The following IKBKB variants were observed in gnomAD, a reference collection of about 807,000 sequenced individuals.
IKBKB encodes inhibitor of nuclear factor kappa B kinase subunit beta, also known as inhibitor of nuclear factor kappa-B kinase subunit beta.
Under a neutral mutation model 113.6 loss-of-function variants are expected in IKBKB, and 42 were observed. The observed-to-expected ratio is 0.37, with a 90% CI of 0.29 to 0.48. IKBKB has a LOEUF of 0.48. IKBKB is among the 20% of genes least tolerant of loss of function. The pLI, the probability that IKBKB is intolerant of heterozygous loss-of-function variation, is 0.99. For missense variants in IKBKB, 673 were observed against 939.7 expected (o/e 0.72, Z 3.71); for synonymous variants, 296 against 361.3 (o/e 0.82, Z 2.05).
chr8:42,316,885 A>C lies in IKBKB; in HGVS notation c.1106A>C (p.Gln369Pro), dbSNP rs56411242. The C allele has an allele frequency of 6.2e-7, 1 of 1,614,140 alleles. No individual in the cohort carries two copies. The highest frequency in any genetic ancestry group is 8.5e-7 in the Non-Finnish European group (1 of 1,180,024). ...LALIPDKPAT[Q>P]CISDGKLNEG... ...TTGATCCCCGATAAGCCTGCCACTC[A>C]GTGTATTTCAGACGGCAAGGTGAGC... Residue 369 changes from glutamine to proline, a missense_variant, in exon 11 of 22, where the codon CAG becomes CCG. Transcript: ENST00000520810. The surrounding 1 kb of genome is among the most constrained non-coding windows in gnomAD (Gnocchi z 4.5).
At chr8:42,293,373 A>T in intron 4 of IKBKB, 70 bp from the exon 5 acceptor site, 1 of 1,596,634 alleles carries the variant, frequency 6.3e-7, no homozygotes, top group East Asian at 2.2e-5. Context: ...ATGGGCTGGT[A>T]AGAGACATGT....
chr8:42,289,800 C>T (rs146519592), intron 3 of IKBKB, among the ~76,000 whole-genome samples: 52 of 152,282 alleles, frequency 3.4e-4, no homozygotes, highest in Admixed American at 1.6e-3. Context: ...GAGCAGGCAC[C>T]ACCTTGTTTG....
At chr8:42,276,432 A>C (rs966134601) in intron 2 of IKBKB, among the ~76,000 whole-genome samples, 21 of 152,030 alleles carry the variant, frequency 1.4e-4, no homozygotes, top group African/African-American at 4.8e-4. Flanking sequence ...GAAAAATTGG[A>C]TTATTTATTT....
chr8:42,329,402 A>T (rs1821387189), intron 21 of IKBKB, 188 bp downstream of exon 21: 7 of 1,026,212 alleles, frequency 6.8e-6, no homozygotes, highest in Non-Finnish European at 8.6e-6. Flanking sequence ...GGCTCACTGC[A>T]ACCTCCGCTT....
chr8:42,319,719 A>C, intron 15 of IKBKB, 73 bp downstream of exon 15: 102 of 1,215,578 alleles, frequency 8.4e-5, no homozygotes, highest in Non-Finnish European at 1.0e-4. Flanking sequence ...TCACTTTCTC[A>C]TCAAACACTG....
At chr8:42,308,175 A>C (rs1816912281) in intron 7 of IKBKB, among the ~76,000 whole-genome samples, 1 of 150,790 alleles carries the variant, frequency 6.6e-6, no homozygotes, top group African/African-American at 2.4e-5. Flanking sequence ...TTTTCCTTTA[A>C]CATTTGTAGC....
intron 20 of IKBKB, among the ~76,000 whole-genome samples, chr8:42,327,632 C>CCTTTTTT: frequency 8.1e-6 from 1 of 122,854 alleles, no homozygotes; most frequent in South Asian, 2.6e-4. Context: ...TGCACCCAGC[C>CCTTTTTT]TTTTTTTTTT....
chr8:42,307,695 A>C (rs550443763), intron 7 of IKBKB, among the ~76,000 whole-genome samples: 44 of 152,176 alleles, frequency 2.9e-4, no homozygotes, highest in African/African-American at 1.0e-3. Context: ...GATTTGGTAG[A>C]TCCTTCTGGA....
At chr8:42,295,526 A>G (rs540282009) in intron 5 of IKBKB, among the ~76,000 whole-genome samples, 10 of 152,192 alleles carry the variant, frequency 6.6e-5, no homozygotes, top group Non-Finnish European at 1.5e-4. Context: ...GGAGTTCAAG[A>G]CCAGCCTGAC....
At chr8:42,272,291 G>A (rs769782452) in intron 2 of IKBKB, 86 bp downstream of exon 2, 3 of 1,580,090 alleles carry the variant, frequency 1.9e-6, no homozygotes, top group Non-Finnish European at 2.6e-6. Context: ...GCTGGGCCAA[G>A]GGCTCACCTT....
At chr8:42,280,223 C>T (rs1365801832) in intron 2 of IKBKB, among the ~76,000 whole-genome samples, 1 of 152,068 alleles carries the variant, frequency 6.6e-6, no homozygotes, top group East Asian at 1.9e-4. Flanking sequence ...TGAGTGTTTC[C>T]CAGGGAGGGA....
chr8:42,305,157 C>T (rs17875700), intron 5 of IKBKB, 30 bp from the exon 6 acceptor site: 62,630 of 1,509,262 alleles, frequency 0.041, 1,550 homozygotes, highest in Non-Finnish European at 0.047. Context: ...TTTTTTAGGC[C>T]TAAGAAAAAC....
At chr8:42,279,206 G>A (rs1365861101) in intron 2 of IKBKB, among the ~76,000 whole-genome samples, 1 of 152,224 alleles carries the variant, frequency 6.6e-6, no homozygotes, top group Admixed American at 6.5e-5. Context: ...TTTGGGTGCT[G>A]AGGAGAAGTC....
intron 5 of IKBKB, chr8:42,298,254 T>C: frequency 1.0e-6 from 1 of 985,416 alleles, no homozygotes; most frequent in Non-Finnish European, 1.2e-6. Context: ...GCCTGGGTCT[T>C]ATCAGATCTT....
At position 42,320,909 on chromosome 8, in the gene IKBKB, G is replaced by A. The variant is rs1485941606; in HGVS notation, c.1688+65G>A. 5.9e-6 allele frequency: 6 copies of A among 1,025,418 alleles called. No homozygotes were observed. The South Asian group carries it at 6.2e-5, about 11-fold the overall frequency. The allele number at this position is 1,025,418 out of a possible 1,614,324, so 63.5% of individuals were successfully genotyped here. A position where few individuals can be genotyped will look rare whatever the true frequency, so the allele number is the denominator to read the frequency against. On this transcript the variant is annotated intron_variant, in intron 16 of 21. Coordinates refer to ENST00000520810, the MANE Select transcript of IKBKB (RefSeq NM_001556.3). ...ACAGACAGCCCTGGAGCTTCGGTGT[G>A]TGTGTCAAGGGCACCCTCAGTGGCT...
At chr8:42,319,734 G>C (rs549187712) in intron 15 of IKBKB, 88 bp downstream of exon 15, 1 of 1,113,636 alleles carries the variant, frequency 9.0e-7, no homozygotes, top group South Asian at 1.5e-5. Context: ...ACACTGGGTC[G>C]ATCTCTGTCA....
At chr8:42,272,921 C>A (rs1216436298) in intron 2 of IKBKB, among the ~76,000 whole-genome samples, 2 of 123,492 alleles carry the variant, frequency 1.6e-5, no homozygotes, top group Non-Finnish European at 3.1e-5. Context: ...GCCTGGGTAA[C>A]AGAGTGAGAC....
Position 42,303,124 on chromosome 8 carries a change from A to AAT in IKBKB, c.389-2063_389-2062insAT, listed in dbSNP as rs1563332052. ...GAGAGAGAGAGAGAGAGAGAATGAG[A>AAT]GAGAGAGAGAGAGGAGAGAGAATGA... On this transcript the variant is annotated intron_variant, in intron 5 of 21. Transcript: ENST00000520810. Among the ~76,000 whole-genome samples the AAT allele has an allele frequency of 4.0e-4, 59 of 148,370 alleles. 1 individual carries two copies. The highest frequency in any genetic ancestry group is 1.3e-3 in the African/African-American group (51 of 38,408).
At chr8:42,313,915 AT>A (rs1331769775) in intron 8 of IKBKB, 1 of 170,982 alleles carries the variant, frequency 5.8e-6, no homozygotes, top group Admixed American at 5.8e-5. Flanking sequence ...GTAAACTTAT[AT>A]TACAAATGTA....
Sources: allele counts gnomAD v4.1 joint callset (sites outside exome capture counted in the v4.1 genomes callset), GRCh38; gene constraint gnomAD v4.1.1; non-coding constraint Gnocchi (gnomAD v3.1); transcripts MANE v1.5; gene names NCBI Gene and HGNC (gene_info 2026-07-23, HGNC 2026-07-21).